Variants in FOXM1 observed in about 807,000 individuals in gnomAD.
FOXM1 encodes forkhead box protein M1.
In FOXM1, 25 loss-of-function variants were observed where a neutral mutation model predicts 63.6. The ratio of observed to expected loss-of-function variants is 0.39; its 90% CI spans 0.29 to 0.55. FOXM1 has a LOEUF of 0.55. Among genes scored for constraint, FOXM1 ranks in the 20% least tolerant of loss-of-function variants. The pLI is 0.60. For missense variants in FOXM1, 879 were observed against 958.7 expected, an observed-to-expected ratio of 0.92 and a Z score of 1.10; for synonymous variants, 387 against 376.9, an observed-to-expected ratio of 1.03 and a Z score of -0.31.
At chr12:2,861,323 A>T (rs2098112473) in intron 8 of FOXM1, 2 of 734,618 alleles carry the variant, frequency 2.7e-6, no homozygotes, top group Admixed American at 3.9e-5. Flanking sequence ...AGATAAAATT[A>T]AACAAGCTGG....
intron 3 of FOXM1, among the ~76,000 whole-genome samples, chr12:2,870,067 C>T (rs528287118): frequency 2.7e-5 from 4 of 150,892 alleles, no homozygotes; most frequent in African/African-American, 4.9e-5. Flanking sequence ...CTTGGCTCAC[C>T]GCAAGCTCTG....
At chr12:2,875,956 G>A (rs919461916) in intron 1 of FOXM1, among the ~76,000 whole-genome samples, 2 of 150,680 alleles carry the variant, frequency 1.3e-5, no homozygotes, top group African/African-American at 4.9e-5. Context: ...AGTAGAAACA[G>A]GGTTTCACCA....
chr12:2,860,888 G>A (rs1253822356), intron 8 of FOXM1, among the ~76,000 whole-genome samples: 1 of 147,648 alleles, frequency 6.8e-6, no homozygotes, highest in Non-Finnish European at 1.5e-5. Context: ...ACTCTCACAG[G>A]CTGGGCGTGG....
rs1192945808 is a variant in FOXM1, at chr12:2,874,142, C to T, written c.337G>A (p.Gly113Arg). The stretch of plus-strand genomic sequence containing the variant: ...AGTCCTGGAGGCTGAGTTGGGGCTC[C>T]CCCACAGCTGATGAGGATGAATTTG... Reference protein sequence around the residue: ...PNKFILISCGGAPTQPPGLRP... With the variant: ...PNKFILISCGRAPTQPPGLRP... Residue 113 changes from glycine to arginine, a missense_variant, in exon 2 of 9, where the codon GGA becomes AGA. Coordinates refer to ENST00000359843, the MANE Select transcript of FOXM1 (RefSeq NM_021953.4). This position sits in a 1 kb window ranked among gnomAD's most constrained non-coding sequence, Gnocchi z 4.3. 6 of 1,614,026 alleles carry T rather than the reference C, an allele frequency of 3.7e-6. No homozygotes were observed. Among genetic ancestry groups the T allele is most frequent in the Non-Finnish European group, 4.2e-6 (5 of 1,180,044 alleles).
intron 3 of FOXM1, 56 bp from the exon 4 acceptor site, chr12:2,868,810 C>A: frequency 7.0e-7 from 1 of 1,433,962 alleles, no homozygotes; most frequent in Admixed American, 2.0e-5. Flanking sequence ...GCACCCCCAA[C>A]CCAAGCCCTT....
intron 4 of FOXM1, among the ~76,000 whole-genome samples, chr12:2,866,821 G>A (rs2098124033): frequency 6.6e-6 from 1 of 152,220 alleles, no homozygotes. Context: ...GTGAGGTAGT[G>A]ATCAATAGCA....
intron 5 of FOXM1, among the ~76,000 whole-genome samples, chr12:2,865,854 TGTTG>T (rs1208005767): frequency 6.6e-6 from 1 of 152,098 alleles, no homozygotes; most frequent in African/African-American, 2.4e-5. Flanking sequence ...AGTTTCTCCA[TGTTG>T]GTCAGGCTGG....
chr12:2,860,165 C>T (rs777935925), intron 8 of FOXM1, among the ~76,000 whole-genome samples: 4 of 152,128 alleles, frequency 2.6e-5, no homozygotes, highest in Non-Finnish European at 4.4e-5. Context: ...AGAAGAGAGA[C>T]ATTTGACTAC....
At chr12:2,863,069 C>T (rs1235963815) in intron 8 of FOXM1, among the ~76,000 whole-genome samples, 1 of 152,122 alleles carries the variant, frequency 6.6e-6, no homozygotes, top group African/African-American at 2.4e-5. Flanking sequence ...ACCAGTGATA[C>T]TCAAGCAGGG....
At chr12:2,869,603 T>C (rs1400330539) in intron 3 of FOXM1, among the ~76,000 whole-genome samples, 4 of 151,940 alleles carry the variant, frequency 2.6e-5, no homozygotes, top group African/African-American at 9.7e-5. Flanking sequence ...GCCCAGCTAC[T>C]TTTTTTGTAT....
chr12:2,861,552 T>C (rs1238871627), intron 8 of FOXM1: 2 of 367,308 alleles, frequency 5.4e-6, no homozygotes, highest in Non-Finnish European at 9.5e-6. Context: ...TCTTATCATA[T>C]ATTGCTGGTT....
In FOXM1 at chr12:2,858,571, G is replaced by T; in HGVS notation, c.*67C>A. On this transcript the variant is annotated 3_prime_UTR_variant, in exon 9 of 9. Transcript: ENST00000359843. ...GCCTGCTGTCCTCACTCAGAGGCTT[G>T]GGGTGCACTGAGCCTTGGAGTGCCC... The T allele has an allele frequency of 3.6e-6, 5 of 1,378,476 alleles. No individual in the cohort carries two copies. Among genetic ancestry groups the T allele is most frequent in the Non-Finnish European group, 1.0e-6 (1 of 995,802 alleles). The allele number at this position is 1,378,476 out of a possible 1,614,324, so 85.4% of individuals were successfully genotyped here. A position where few individuals can be genotyped will look rare whatever the true frequency, so the allele number is the denominator to read the frequency against.
At chr12:2,875,864 G>A (rs983589866) in intron 1 of FOXM1, among the ~76,000 whole-genome samples, 3 of 150,728 alleles carry the variant, frequency 2.0e-5, no homozygotes, top group East Asian at 3.9e-4. Flanking sequence ...GGGTTCAAGC[G>A]ATTCTCCTGC....
chr12:2,866,505 T>A lies in FOXM1; in HGVS notation c.863A>T (p.Asn288Ile). 5 of 1,550,010 alleles carry A rather than the reference T, an allele frequency of 3.2e-6. No individual in the cohort carries two copies. Among genetic ancestry groups the A allele is most frequent in the Non-Finnish European group, 3.5e-6 (4 of 1,152,618 alleles). Residue 288 changes from asparagine to isoleucine, a missense_variant, in exon 5 of 9, where the codon AAC becomes ATC. Asn to Ile is a moderately radical substitution (Grantham distance 149). This residue lies in a region of FOXM1 where 62 missense variants were observed against 118.2 expected (regional missense o/e 0.52). Transcript: ENST00000359843. Reference protein sequence around the residue: ...KPGWKNSIRHNLSLHDMFVRE... With the variant: ...KPGWKNSIRHILSLHDMFVRE... ...GACAAACATGTCGTGCAGGGAAAGG[T>A]TGTGGCGGATGGAGTTCTGGAAGAA...
intron 8 of FOXM1, among the ~76,000 whole-genome samples, chr12:2,862,076 G>T (rs550485181): frequency 6.6e-6 from 1 of 152,114 alleles, no homozygotes; most frequent in Admixed American, 6.6e-5. Context: ...CTACTCAGGA[G>T]GCCGAGGCAG....
At chr12:2,863,163 T>C (rs12312865) in intron 8 of FOXM1, among the ~76,000 whole-genome samples, 13,315 of 152,074 alleles carry the variant, frequency 0.088, 1,251 homozygotes, top group African/African-American at 0.22. Context: ...TACTGGCGTC[T>C]AGTGGGGAAA....
In FOXM1 at chr12:2,858,273, G is replaced by A. The variant is rs1016948912; in HGVS notation, c.*365C>T. 8 of 191,746 alleles carry A rather than the reference G, an allele frequency of 4.2e-5. No individual in the cohort carries two copies. The highest frequency in any genetic ancestry group is 2.0e-3 in the Middle Eastern group (1 of 496). 11.9% of individuals were successfully genotyped at this position (191,746 alleles called of 1,614,324 possible). On this transcript the variant is annotated 3_prime_UTR_variant, in exon 9 of 9. Transcript: ENST00000359843. ...GGAAATAAGCTTACATTTATAATTA[G>A]AGGATAATTTGGAGAATTTATACTA...
Position 2,872,260 on chromosome 12 carries a change from T to G in FOXM1, c.503-13A>C. 1 of 1,613,682 alleles carries G rather than the reference T, an allele frequency of 6.2e-7. No homozygotes were observed. The highest frequency in any genetic ancestry group is 8.5e-7 in the Non-Finnish European group (1 of 1,179,754). The stretch of plus-strand genomic sequence containing the variant: ...GCCTCACCATCTGCTAGAGGGAAAA[T>G]AATCCAACACCCCACTTAGCTGCCT... On this transcript the variant is annotated splice_polypyrimidine_tract_variant and intron_variant, in intron 2 of 8. Transcript: ENST00000359843. The surrounding 1 kb of genome is among the most constrained non-coding windows in gnomAD (Gnocchi z 4.0).
chr12:2,875,927 ATTT>A (rs61158737), intron 1 of FOXM1, among the ~76,000 whole-genome samples: 22,327 of 141,518 alleles, frequency 0.16, 1,794 homozygotes, highest in East Asian at 0.31. Flanking sequence ...TGCCCAGCTA[ATTT>A]TTTTTTTTTT....
Sources: allele counts gnomAD v4.1 joint callset (sites outside exome capture counted in the v4.1 genomes callset), GRCh38; gene constraint gnomAD v4.1.1; regional missense constraint gnomAD v4.1.1; non-coding constraint Gnocchi (gnomAD v3.1); transcripts MANE v1.5; gene names NCBI Gene and HGNC (gene_info 2026-07-23, HGNC 2026-07-21).